The following MECOM variants were observed in gnomAD, a reference collection of about 807,000 sequenced individuals.
MECOM encodes the protein histone-lysine N-methyltransferase MECOM.
Under a neutral mutation model 116.3 loss-of-function variants are expected in MECOM, and 13 were observed. The ratio of observed to expected loss-of-function variants is 0.11; its 90% CI spans 0.07 to 0.18. The LOEUF is 0.18. Among genes scored for constraint, MECOM ranks in the 10% least tolerant of loss-of-function variants. The probability of loss-of-function intolerance (pLI) is 1.00; values close to 1 mark genes in which losing one functional copy is unlikely to be tolerated. For missense variants in MECOM, 1,299 were observed against 1,509.0 expected, an observed-to-expected ratio of 0.86 and a Z score of 2.31; for synonymous variants, 528 against 535.2, an observed-to-expected ratio of 0.99 and a Z score of 0.19.
intron 1 of MECOM, among the ~76,000 whole-genome samples, chr3:169,409,059 G>T (rs140341907): frequency 6.6e-6 from 1 of 152,102 alleles, no homozygotes; most frequent in African/African-American, 2.4e-5. Flanking sequence ...GGGGAAATTG[G>T]CCTAGGTTAG....
At chr3:169,507,825 TA>T (rs1755462780) in intron 1 of MECOM, among the ~76,000 whole-genome samples, 1 of 126,218 alleles carries the variant, frequency 7.9e-6, no homozygotes, top group Non-Finnish European at 1.7e-5. Context: ...CACGCCCGGC[TA>T]ATTTTTTGTA....
At chr3:169,139,295 A>G (rs550999538) in intron 3 of MECOM, among the ~76,000 whole-genome samples, 57 of 152,238 alleles carry the variant, frequency 3.7e-4, no homozygotes, top group Middle Eastern at 3.4e-3. Context: ...GCCTACTTAA[A>G]AATGAAAGGA....
At chr3:169,298,161 A>C (rs544016640) in intron 2 of MECOM, among the ~76,000 whole-genome samples, 1 of 152,300 alleles carries the variant, frequency 6.6e-6, no homozygotes, top group South Asian at 2.1e-4. Context: ...TGTGTTATAA[A>C]AATGTCTTTT....
intron 2 of MECOM, among the ~76,000 whole-genome samples, chr3:169,250,866 T>C (rs887239839): frequency 2.6e-5 from 4 of 152,228 alleles, no homozygotes; most frequent in South Asian, 4.1e-4. Flanking sequence ...ATTTAAGTTT[T>C]CTTTCACTTT....
At chr3:169,257,435 C>G (rs1473900757) in intron 2 of MECOM, among the ~76,000 whole-genome samples, 1 of 152,190 alleles carries the variant, frequency 6.6e-6, no homozygotes, top group Non-Finnish European at 1.5e-5. Context: ...AACTTAAATT[C>G]TCTACCAAAA....
intron 1 of MECOM, among the ~76,000 whole-genome samples, chr3:169,654,138 C>G (rs906943472): frequency 6.6e-6 from 1 of 152,164 alleles, no homozygotes; most frequent in Non-Finnish European, 1.5e-5. Context: ...AGTCCCATGA[C>G]TACAGTATTG....
intron 1 of MECOM, among the ~76,000 whole-genome samples, chr3:169,422,456 G>A (rs1405415297): frequency 2.0e-5 from 3 of 152,044 alleles, no homozygotes; most frequent in Non-Finnish European, 4.4e-5. Flanking sequence ...TACAGAGAAA[G>A]AGTAAATTTT....
chr3:169,272,157 G>T (rs776871814), intron 2 of MECOM, among the ~76,000 whole-genome samples: 2 of 152,286 alleles, frequency 1.3e-5, no homozygotes, highest in South Asian at 4.1e-4. Context: ...AGTCTTGGAA[G>T]ATTAACCCTT....
intron 1 of MECOM, among the ~76,000 whole-genome samples, chr3:169,634,241 AACACACAC>A (rs59934753): frequency 4.7e-5 from 7 of 149,172 alleles, no homozygotes; most frequent in African/African-American, 1.7e-4. Flanking sequence ...TGTGTGCACA[AACACACAC>A]ACACACACAC....
chr3:169,375,777 C>T (rs933647761), intron 2 of MECOM, among the ~76,000 whole-genome samples: 1 of 151,934 alleles, frequency 6.6e-6, no homozygotes, highest in Non-Finnish European at 1.5e-5. Flanking sequence ...CCATTACTTA[C>T]AAAATTATTC....
At chr3:169,662,069 C>G (rs1347183206) in intron 1 of MECOM, among the ~76,000 whole-genome samples, 1 of 152,262 alleles carries the variant, frequency 6.6e-6, no homozygotes, top group Admixed American at 6.5e-5. Context: ...CTGTCGTCTA[C>G]AGTCCTGGCG....
At chr3:169,466,482 A>G (rs1748322399) in intron 1 of MECOM, among the ~76,000 whole-genome samples, 1 of 152,104 alleles carries the variant, frequency 6.6e-6, no homozygotes, top group Admixed American at 6.6e-5. Flanking sequence ...TAAAAGTGAG[A>G]TCTAAAAAGT....
chr3:169,662,146 T>C (rs1485291428), intron 1 of MECOM, among the ~76,000 whole-genome samples: 3 of 152,200 alleles, frequency 2.0e-5, no homozygotes, highest in Non-Finnish European at 2.9e-5. Flanking sequence ...CCAACACTTT[T>C]GCTGTAAGAG....
At chr3:169,658,421 T>C (rs1471712503) in intron 1 of MECOM, among the ~76,000 whole-genome samples, 2 of 151,822 alleles carry the variant, frequency 1.3e-5, no homozygotes, top group Non-Finnish European at 2.9e-5. Flanking sequence ...CGCGCAAGAG[T>C]GCTCCTTGTC....
chr3:169,361,338 G>A (rs1728273197), intron 2 of MECOM, among the ~76,000 whole-genome samples: 1 of 151,786 alleles, frequency 6.6e-6, no homozygotes, highest in Non-Finnish European at 1.5e-5. Flanking sequence ...CTTCCCAGTG[G>A]TATTCAGAAA....
At chr3:169,493,510 A>C (rs1753381796) in intron 1 of MECOM, among the ~76,000 whole-genome samples, 1 of 152,106 alleles carries the variant, frequency 6.6e-6, no homozygotes, top group Non-Finnish European at 1.5e-5. Flanking sequence ...ACTGTCTTAC[A>C]TACATATATA....
chr3:169,089,586 A>C (rs899901420), intron 15 of MECOM, among the ~76,000 whole-genome samples: 2 of 152,144 alleles, frequency 1.3e-5, no homozygotes, highest in African/African-American at 2.4e-5. Context: ...TTAAAAAGTT[A>C]TCATCTATAT....
chr3:169,379,320 G>A (rs1245591652), intron 2 of MECOM, among the ~76,000 whole-genome samples: 2 of 151,982 alleles, frequency 1.3e-5, no homozygotes, highest in African/African-American at 4.8e-5. Flanking sequence ...AAAATGATGG[G>A]AAAAGCTACT....
intron 12 of MECOM, among the ~76,000 whole-genome samples, chr3:169,095,613 T>C (rs930502748): frequency 6.6e-6 from 1 of 152,216 alleles, no homozygotes; most frequent in Non-Finnish European, 1.5e-5. Context: ...AAAACATTCA[T>C]ATAGTTTTCA....
Sources: gnomAD v4.1 joint callset for allele counts (sites outside exome capture counted in the v4.1 genomes callset) on GRCh38, gnomAD v4.1.1 for gene constraint, MANE v1.5 for transcripts, NCBI Gene and HGNC (gene_info 2026-07-23, HGNC 2026-07-21) for gene names.